The following KANK1 variants were observed in gnomAD, a reference collection of about 807,000 sequenced individuals.
KANK1 encodes KN motif and ankyrin repeat domains 1.
In KANK1, 109 loss-of-function variants were observed where a neutral mutation model predicts 106.2. That is an observed-to-expected ratio of 1.03 (90% CI 0.88 to 1.20). KANK1 has a LOEUF of 1.20. Among genes scored for constraint, KANK1 ranks in the 50% most tolerant of loss-of-function variants. The probability of loss-of-function intolerance (pLI) is 0.00; values close to 1 mark genes in which losing one functional copy is unlikely to be tolerated. For missense variants in KANK1, 2,399 were observed against 1,710.7 expected (o/e 1.40, Z -7.10); for synonymous variants, 873 against 652.2 (o/e 1.34, Z -5.16).
chr9:689,730 G>C (rs1043004343), intron 2 of KANK1, among the ~76,000 whole-genome samples: 1 of 149,226 alleles, frequency 6.7e-6, no homozygotes, highest in Non-Finnish European at 1.5e-5. Flanking sequence ...AAGCACCTAA[G>C]GGGAGGGGTC....
At chr9:524,641 C>A (rs1240453206) in intron 1 of KANK1, among the ~76,000 whole-genome samples, 3 of 151,570 alleles carry the variant, frequency 2.0e-5, no homozygotes, top group African/African-American at 4.9e-5. Flanking sequence ...CCTCAGCCTT[C>A]CAGGTAGCTG....
chr9:725,230 G>T (rs1428125547), intron 3 of KANK1, among the ~76,000 whole-genome samples: 1 of 152,120 alleles, frequency 6.6e-6, no homozygotes, highest in African/African-American at 2.4e-5. Context: ...CTGGCCTTCA[G>T]AATCCTTAGC....
intron 1 of KANK1, among the ~76,000 whole-genome samples, chr9:602,767 T>C (rs1225347607): frequency 6.6e-6 from 1 of 151,872 alleles, no homozygotes; most frequent in African/African-American, 2.4e-5. Context: ...GAAAGCCTGT[T>C]CTCCTTGATG....
chr9:736,806 A>G (rs1049759012), intron 7 of KANK1, among the ~76,000 whole-genome samples: 4 of 152,226 alleles, frequency 2.6e-5, no homozygotes, highest in Non-Finnish European at 4.4e-5. Flanking sequence ...TAGTAAAACC[A>G]TAAAATCTCA....
chr9:511,696 T>C (rs535374728), intron 1 of KANK1, among the ~76,000 whole-genome samples: 3 of 152,192 alleles, frequency 2.0e-5, no homozygotes, highest in Non-Finnish European at 4.4e-5. Flanking sequence ...TACTCACACA[T>C]AGTGTAAATA....
chr9:649,892 A>G (rs980400785), intron 1 of KANK1, among the ~76,000 whole-genome samples: 4 of 152,178 alleles, frequency 2.6e-5, no homozygotes, highest in Non-Finnish European at 2.9e-5. Context: ...GGATGGCTCT[A>G]CATTGCAGCT....
intron 1 of KANK1, among the ~76,000 whole-genome samples, chr9:542,914 G>A (rs1349553556): frequency 3.9e-5 from 6 of 152,122 alleles, no homozygotes; most frequent in Non-Finnish European, 7.3e-5. Context: ...TTGGGAGGGC[G>A]TTGGTTAAAG....
chr9:703,675 A>G (rs1233167300), intron 2 of KANK1, among the ~76,000 whole-genome samples: 1 of 151,980 alleles, frequency 6.6e-6, no homozygotes, highest in Non-Finnish European at 1.5e-5. Context: ...GGCTTAGTTA[A>G]GAGTCTCTTT....
chr9:552,678 G>C (rs998500892), intron 1 of KANK1, among the ~76,000 whole-genome samples: 6 of 152,146 alleles, frequency 3.9e-5, no homozygotes, highest in African/African-American at 1.2e-4. Context: ...TGACTAATCT[G>C]CTCAAGTCTG....
intron 1 of KANK1, 133 bp downstream of exon 1, chr9:504,887 C>CGTGGCG (rs1247862451): frequency 7.6e-4 from 111 of 145,398 alleles, no homozygotes; most frequent in African/African-American, 2.7e-3. Flanking sequence ...GCGCGGCGGC[C>CGTGGCG]GTGGCGGTGG....
At chr9:580,877 G>T (rs987198482) in intron 1 of KANK1, among the ~76,000 whole-genome samples, 1 of 152,188 alleles carries the variant, frequency 6.6e-6, no homozygotes, top group Non-Finnish European at 1.5e-5. Flanking sequence ...TCTGGGGGAG[G>T]CTCCGGCATG....
At chr9:667,460 G>C (rs1013653009) in intron 1 of KANK1, among the ~76,000 whole-genome samples, 3 of 151,412 alleles carry the variant, frequency 2.0e-5, no homozygotes, top group Non-Finnish European at 4.4e-5. Context: ...TTTGGGTTTG[G>C]CTTGGTCTTG....
chr9:611,274 A>G lies in KANK1; in HGVS notation c.-83-65616A>G, dbSNP rs565142704. On this transcript the variant is annotated intron_variant, in intron 1 of 11. Transcript: ENST00000382297. The stretch of plus-strand genomic sequence containing the variant: ...AGAATCTTTTAGTAAGTCACAGACA[A>G]TTGTCACTGAACCAAGAGCCCAGCC... Among the ~76,000 whole-genome samples, 24 of 152,324 alleles carry G rather than the reference A, an allele frequency of 1.6e-4. No individual in the cohort carries two copies. The East Asian group carries it at 3.9e-3, about 24-fold the overall frequency.
intron 1 of KANK1, among the ~76,000 whole-genome samples, chr9:630,590 G>A (rs1835454196): frequency 6.6e-6 from 1 of 151,726 alleles, no homozygotes; most frequent in Non-Finnish European, 1.5e-5. Flanking sequence ...CGTTTCAGGT[G>A]GAAGGTGAGA....
At chr9:695,863 G>A (rs982573913) in intron 2 of KANK1, among the ~76,000 whole-genome samples, 2 of 152,168 alleles carry the variant, frequency 1.3e-5, no homozygotes, top group Non-Finnish European at 2.9e-5. Context: ...GCCCCAGAGT[G>A]CCTGCTTCAA....
chr9:581,035 AGGGGCCGGCCGCTCCAAGTGT>A (rs1298403821), intron 1 of KANK1, among the ~76,000 whole-genome samples: 1 of 151,864 alleles, frequency 6.6e-6, no homozygotes, highest in African/African-American at 2.4e-5. Context: ...CTCACTGCCC[AGGGGCCGGCCGCTCCAAGTGT>A]GGGGCCCGCC....
chr9:588,801 G>A (rs1351299156), intron 1 of KANK1, among the ~76,000 whole-genome samples: 2 of 152,084 alleles, frequency 1.3e-5, no homozygotes, highest in Non-Finnish European at 2.9e-5. Context: ...TTCCCCGTAA[G>A]TAAAATGAAA....
intron 1 of KANK1, among the ~76,000 whole-genome samples, chr9:582,406 G>A (rs73376916): frequency 0.045 from 6,882 of 152,216 alleles, 519 homozygotes; most frequent in African/African-American, 0.16. Context: ...ACTAATAAAA[G>A]TATTTCCTTT....
chr9:640,690 C>T (rs1045877671), intron 1 of KANK1, among the ~76,000 whole-genome samples: 4 of 150,888 alleles, frequency 2.7e-5, no homozygotes, highest in East Asian at 1.9e-4. Flanking sequence ...AGCCACCACG[C>T]CCGGCCTAAT....
Sources: allele counts gnomAD v4.1 joint callset (sites outside exome capture counted in the v4.1 genomes callset), GRCh38; gene constraint gnomAD v4.1.1; transcripts MANE v1.5; gene names NCBI Gene and HGNC (gene_info 2026-07-23, HGNC 2026-07-21).